Variants in MRC1 observed in about 807,000 individuals in gnomAD.
The protein encoded by MRC1 is macrophage mannose receptor 1.
A neutral mutation model predicts 102.9 loss-of-function variants in MRC1; 62 were observed. That is an observed-to-expected ratio of 0.60 (90% CI 0.49 to 0.74). MRC1 has a LOEUF of 0.74. Ranked by LOEUF, MRC1 falls within the 30% of genes least tolerant of loss-of-function variation. The probability of loss-of-function intolerance (pLI) is 0.00; values close to 1 mark genes in which losing one functional copy is unlikely to be tolerated. For synonymous variants in MRC1, 457 were observed against 298.4 expected (o/e 1.53, Z -5.48); for missense variants, 1,237 against 862.8 (o/e 1.43, Z -5.43).
chr10:17,873,796 A>C lies in MRC1; in HGVS notation c.2357A>C (p.Lys786Thr), dbSNP rs911198305. The C allele has an allele frequency of 3.8e-5, 33 of 872,498 alleles. No individual in the cohort carries two copies. The highest frequency in any genetic ancestry group is 6.0e-5 in the Non-Finnish European group (30 of 501,414). 54.0% of individuals were successfully genotyped at this position (872,498 alleles called of 1,614,324 possible). A position where few individuals can be genotyped will look rare whatever the true frequency, so the allele number is the denominator to read the frequency against. ...TCTTGTTTTACAGGACAAACACCAA[A>C]ACCTGAGCCAACACCAGCTCCTCAA... ...ICQIQKGQTP[K>T]PEPTPAPQDN... The change falls in exon 16 of 30, where the codon AAA (lysine) becomes ACA (threonine). Residue 786 changes from lysine (K) to threonine (T), a missense_variant. Lys to Thr is a moderately conservative substitution (Grantham distance 78). Transcript: ENST00000569591.
chr10:17,892,062 G>T (rs1201562079), intron 22 of MRC1, among the ~76,000 whole-genome samples: 1 of 152,290 alleles, frequency 6.6e-6, no homozygotes, highest in Middle Eastern at 3.4e-3. Flanking sequence ...GTTAGTTAAC[G>T]TGTGGTGAAA....
At chr10:17,812,807 G>A (rs1369073502) in intron 1 of MRC1, among the ~76,000 whole-genome samples, 3 of 151,896 alleles carry the variant, frequency 2.0e-5, no homozygotes, top group African/African-American at 7.3e-5. Context: ...TCCTGACCTC[G>A]TGATCTGCCC....
rs1052126410 is a variant in MRC1 at position 17,874,598 on chromosome 10, G to A, written c.2387-492G>A. Among the ~76,000 whole-genome samples, 97 of 152,248 alleles carry A rather than the reference G, an allele frequency of 6.4e-4. 1 individual carries two copies. The highest frequency in any genetic ancestry group is 2.2e-3 in the African/African-American group (93 of 41,536). On this transcript the variant is annotated intron_variant, in intron 16 of 29. Coordinates refer to ENST00000569591, the MANE Select transcript of MRC1 (RefSeq NM_002438.4). ...CAGCCTACTGTAGCACGGAAGTATG[G>A]AATTCCATGGGTTGGAGAAAGCCTG...
chr10:17,875,759 A>C (rs113585360), intron 17 of MRC1, among the ~76,000 whole-genome samples: 126,942 of 152,144 alleles, frequency 0.83, 53,147 homozygotes, highest in African/African-American at 0.89. Context: ...ATAATGACTT[A>C]TTTTCCTCTG....
intron 4 of MRC1, among the ~76,000 whole-genome samples, 198 bp downstream of exon 4, chr10:17,834,037 A>G (rs1442510648): frequency 6.6e-6 from 1 of 152,162 alleles, no homozygotes; most frequent in African/African-American, 2.4e-5. Context: ...TGTGCCAACT[A>G]TTGGTTTTAA....
chr10:17,817,838 G>C (rs1838336057), intron 1 of MRC1, among the ~76,000 whole-genome samples: 1 of 152,198 alleles, frequency 6.6e-6, no homozygotes, highest in East Asian at 1.9e-4. Context: ...AATGCCACAA[G>C]CTGCCTTTTG....
intron 1 of MRC1, among the ~76,000 whole-genome samples, chr10:17,813,306 G>A (rs1051060709): frequency 9.2e-5 from 14 of 152,140 alleles, no homozygotes; most frequent in Non-Finnish European, 1.8e-4. Context: ...TCCAACTGTG[G>A]TTCTGACATA....
In MRC1 at chr10:17,827,570, T is replaced by G; in HGVS notation, c.492T>G (p.Asn164Lys). 1 of 780,640 alleles carries G rather than the reference T, an allele frequency of 1.3e-6. No homozygotes were observed. Among genetic ancestry groups the G allele is most frequent in the Non-Finnish European group, 2.4e-6 (1 of 417,942 alleles). The allele number at this position is 780,640 out of a possible 1,614,324, so 48.4% of individuals were successfully genotyped here. A position where few individuals can be genotyped will look rare whatever the true frequency, so the allele number is the denominator to read the frequency against. ...EAMYTLLGNA[N>K]GATCAFPFKF... ...TGTATACGCTACTAGGCAATGCCAA[T>G]GGAGCAACCTGTGCATTCCCGTTCA... Residue 164 changes from asparagine (N) to lysine (K), a missense_variant, in exon 3 of 30, where the codon AAT becomes AAG. By Grantham distance (94) the Asn-to-Lys change is moderately conservative. Transcript: ENST00000569591.
intron 2 of MRC1, among the ~76,000 whole-genome samples, chr10:17,824,718 AT>A (rs1838447331): frequency 6.6e-6 from 1 of 152,196 alleles, no homozygotes; most frequent in Non-Finnish European, 1.5e-5. Context: ...ACGGAGTCAA[AT>A]TCCACAGGTG....
At chr10:17,880,026 T>C (rs947978212) in intron 19 of MRC1, among the ~76,000 whole-genome samples, 5,552 of 152,296 alleles carry the variant, frequency 0.036, 324 homozygotes, top group African/African-American at 0.13. Context: ...ACATAGTTAA[T>C]CTTCTCACTT....
At chr10:17,835,026 A>G (rs1838641937) in intron 4 of MRC1, among the ~76,000 whole-genome samples, 1 of 152,210 alleles carries the variant, frequency 6.6e-6, no homozygotes, top group African/African-American at 2.4e-5. Context: ...ATTTTGCCTG[A>G]CATTCAAGAT....
intron 2 of MRC1, among the ~76,000 whole-genome samples, chr10:17,823,776 T>C (rs1838433623): frequency 6.6e-6 from 1 of 152,248 alleles, no homozygotes; most frequent in Non-Finnish European, 1.5e-5. Flanking sequence ...ATCGTTTTCA[T>C]TGTAGTCTTT....
intron 1 of MRC1, among the ~76,000 whole-genome samples, chr10:17,821,158 C>A (rs1350614991): frequency 2.0e-5 from 3 of 152,200 alleles, no homozygotes; most frequent in South Asian, 2.1e-4. Flanking sequence ...AATGAGTAAC[C>A]CAGCAGAGGA....
intron 22 of MRC1, among the ~76,000 whole-genome samples, chr10:17,889,890 AT>A (rs1833649757): frequency 1.3e-5 from 2 of 152,088 alleles, no homozygotes; most frequent in South Asian, 4.2e-4. Flanking sequence ...GAAAAATTCT[AT>A]TTTTCTTTCA....
intron 1 of MRC1, among the ~76,000 whole-genome samples, chr10:17,814,425 A>G (rs1382472746): frequency 6.6e-6 from 1 of 152,204 alleles, no homozygotes; most frequent in Non-Finnish European, 1.5e-5. Flanking sequence ...TGCAGATAAT[A>G]TGCTGGGTGC....
At chr10:17,819,479 G>GTGTT (rs1367768464) in intron 1 of MRC1, among the ~76,000 whole-genome samples, 2 of 130,260 alleles carry the variant, frequency 1.5e-5, no homozygotes, top group African/African-American at 5.8e-5. Context: ...GTGTGTGTGT[G>GTGTT]TGTGTGTGTG....
intron 9 of MRC1, among the ~76,000 whole-genome samples, chr10:17,859,378 C>A (rs1833144726): frequency 1.3e-5 from 2 of 152,136 alleles, no homozygotes; most frequent in Non-Finnish European, 2.9e-5. Context: ...CATGCAGTGG[C>A]ATGATCTCGG....
At chr10:17,836,037 G>T (rs1838657331) in intron 4 of MRC1, among the ~76,000 whole-genome samples, 1 of 152,244 alleles carries the variant, frequency 6.6e-6, no homozygotes, top group African/African-American at 2.4e-5. Flanking sequence ...TCCCAGCTCT[G>T]TGAAACTGGG....
chr10:17,861,210 G>C (rs1377651217), intron 9 of MRC1, among the ~76,000 whole-genome samples, 177 bp from the exon 10 acceptor site: 4 of 152,318 alleles, frequency 2.6e-5, no homozygotes, highest in African/African-American at 9.6e-5. Flanking sequence ...CTACTCTGGA[G>C]ACTGAGGCAG....
Sources: allele counts gnomAD v4.1 joint callset (sites outside exome capture counted in the v4.1 genomes callset), GRCh38; gene constraint gnomAD v4.1.1; transcripts MANE v1.5; gene names NCBI Gene and HGNC (gene_info 2026-07-23, HGNC 2026-07-21).